The following CFAP299 variants were observed in gnomAD, a reference collection of about 807,000 sequenced individuals.
The protein encoded by CFAP299 is cilia and flagella associated protein 299, also known as cilia- and flagella-associated protein 299.
CFAP299 carries 21 observed loss-of-function variants against 27.0 expected under a neutral mutation model. The ratio of observed to expected loss-of-function variants is 0.78; its 90% CI spans 0.55 to 1.12. CFAP299 has a LOEUF of 1.12. Among genes scored for constraint, CFAP299 ranks in the 50% most tolerant of loss-of-function variants. The pLI, the probability that CFAP299 is intolerant of heterozygous loss-of-function variation, is 0.00. For synonymous variants in CFAP299, 104 were observed against 98.1 expected (o/e 1.06, Z -0.36); for missense variants, 310 against 276.6 (o/e 1.12, Z -0.86).
At chr4:80,685,371 C>A (rs1276710366) in intron 3 of CFAP299, among the ~76,000 whole-genome samples, 3 of 152,046 alleles carry the variant, frequency 2.0e-5, no homozygotes, top group Non-Finnish European at 4.4e-5. Context: ...AAACAATGCA[C>A]AGGGAAATGT....
chr4:80,802,506 C>T (rs377095727), intron 3 of CFAP299, among the ~76,000 whole-genome samples: 1 of 152,004 alleles, frequency 6.6e-6, no homozygotes, highest in East Asian at 1.9e-4. Flanking sequence ...CATCTACGAG[C>T]ACTTCAGACA....
intron 2 of CFAP299, among the ~76,000 whole-genome samples, chr4:80,529,745 C>A (rs1733374836): frequency 1.3e-5 from 2 of 151,666 alleles, no homozygotes; most frequent in Non-Finnish European, 2.9e-5. Context: ...TAGATACAAT[C>A]CTTTTTTTTT....
chr4:80,651,451 G>T (rs1285635485), intron 3 of CFAP299, among the ~76,000 whole-genome samples: 1 of 147,936 alleles, frequency 6.8e-6, no homozygotes, highest in East Asian at 2.0e-4. Context: ...CTGAAGTCTC[G>T]ACCTCCTGGG....
chr4:80,661,352 G>A (rs549352180), intron 3 of CFAP299, among the ~76,000 whole-genome samples: 75 of 151,460 alleles, frequency 5.0e-4, no homozygotes, highest in African/African-American at 1.7e-3. Context: ...AAAATGTTGC[G>A]GGAAGTCAGG....
chr4:80,905,621 A>T (rs1464097338), intron 4 of CFAP299, among the ~76,000 whole-genome samples: 1 of 152,196 alleles, frequency 6.6e-6, no homozygotes, highest in Non-Finnish European at 1.5e-5. Flanking sequence ...TCACAGTTCC[A>T]CAGGGTTGGG....
intron 4 of CFAP299, among the ~76,000 whole-genome samples, chr4:80,906,473 A>G (rs1474664504): frequency 6.6e-6 from 1 of 152,114 alleles, no homozygotes; most frequent in Non-Finnish European, 1.5e-5. Flanking sequence ...CAGTGCCCTT[A>G]TGTGTGGGAA....
intron 3 of CFAP299, among the ~76,000 whole-genome samples, chr4:80,800,647 TAA>T (rs1491204245): frequency 7.7e-5 from 6 of 78,046 alleles, no homozygotes; most frequent in Non-Finnish European, 1.3e-4. Flanking sequence ...TATAATATAT[TAA>T]TATATATATG....
At chr4:80,572,518 T>TTTG (rs1735636822) in intron 2 of CFAP299, among the ~76,000 whole-genome samples, 1 of 122,416 alleles carries the variant, frequency 8.2e-6, no homozygotes, top group South Asian at 3.0e-4. Context: ...TTTTTTTTTT[T>TTTG]TTTTTTTTTT....
At chr4:80,465,518 C>T (rs537114255) in intron 2 of CFAP299, among the ~76,000 whole-genome samples, 3 of 152,228 alleles carry the variant, frequency 2.0e-5, no homozygotes, top group South Asian at 2.1e-4. Flanking sequence ...CTGTGGGGAG[C>T]GGTGAGGGAC....
At chr4:80,332,663 G>A (rs1329513697), upstream of CFAP299, among the ~76,000 whole-genome samples, 1 of 152,144 alleles carries the variant, frequency 6.6e-6, no homozygotes, top group East Asian at 1.9e-4. Flanking sequence ...ATAAGATTAA[G>A]GAGAGAGGAG....
At chr4:80,524,674 A>G (rs778477255) in intron 2 of CFAP299, among the ~76,000 whole-genome samples, 2 of 152,140 alleles carry the variant, frequency 1.3e-5, no homozygotes, top group Non-Finnish European at 2.9e-5. Flanking sequence ...AATCTGGGTC[A>G]TTACCATTGC....
chr4:80,471,389 T>G (rs1434000401), intron 2 of CFAP299, among the ~76,000 whole-genome samples: 1 of 151,884 alleles, frequency 6.6e-6, no homozygotes, highest in African/African-American at 2.4e-5. Context: ...TGGTAATGTT[T>G]GTCATATTCA....
chr4:80,722,724 C>T lies in CFAP299; in HGVS notation c.333+139541C>T, dbSNP rs554885081. Among the ~76,000 whole-genome samples the T allele has an allele frequency of 2.0e-4, 31 of 151,978 alleles. No individual in the cohort carries two copies. The South Asian group carries it at 6.2e-3, about 31-fold the overall frequency. On this transcript the variant is annotated intron_variant, in intron 3 of 5. Coordinates refer to ENST00000358105, the MANE Select transcript of CFAP299 (RefSeq NM_152770.3). ...GACCATCCTGGCTAACACGGTGAAA[C>T]CCCGTCTCTACTAAAAATACAAAAA...
At chr4:80,359,801 G>A (rs114398821) in intron 1 of CFAP299, among the ~76,000 whole-genome samples, 1,907 of 152,066 alleles carry the variant, frequency 0.013, 36 homozygotes, top group African/African-American at 0.041. Flanking sequence ...GTTCCTATCC[G>A]TATTCTGAAT....
intron 3 of CFAP299, among the ~76,000 whole-genome samples, chr4:80,774,347 A>G (rs955512926): frequency 2.6e-5 from 4 of 151,922 alleles, no homozygotes; most frequent in African/African-American, 7.2e-5. Flanking sequence ...TAATAATAAT[A>G]TTAACTTAAA....
intron 3 of CFAP299, among the ~76,000 whole-genome samples, chr4:80,762,622 G>A (rs1476927921): frequency 6.6e-6 from 1 of 152,016 alleles, no homozygotes; most frequent in African/African-American, 2.4e-5. Context: ...CCTTGTACTG[G>A]GTCCTTTCTG....
At chr4:80,866,081 A>ATATATATATATATG (rs1553901552) in intron 3 of CFAP299, among the ~76,000 whole-genome samples, 14 of 122,574 alleles carry the variant, frequency 1.1e-4, no homozygotes, top group African/African-American at 4.1e-4. Flanking sequence ...ATATATATAT[A>ATATATATATATATG]TATATATATA....
chr4:80,894,964 C>T (rs1373251621), intron 4 of CFAP299, among the ~76,000 whole-genome samples: 1 of 151,888 alleles, frequency 6.6e-6, no homozygotes, highest in African/African-American at 2.4e-5. Flanking sequence ...AAAAATCTCA[C>T]TCACAGAACC....
chr4:80,533,541 A>G (rs1733573734), intron 2 of CFAP299, among the ~76,000 whole-genome samples: 2 of 152,182 alleles, frequency 1.3e-5, no homozygotes, highest in African/African-American at 4.8e-5. Flanking sequence ...TGTTGGCAAA[A>G]CAAAGCTATT....
Sources: gnomAD v4.1 joint callset for allele counts (sites outside exome capture counted in the v4.1 genomes callset) on GRCh38, gnomAD v4.1.1 for gene constraint, MANE v1.5 for transcripts, NCBI Gene and HGNC (gene_info 2026-07-23, HGNC 2026-07-21) for gene names.